The following TBCK variants were observed in gnomAD, a reference collection of about 807,000 sequenced individuals.
TBCK encodes the protein TBC1 domain containing kinase, also known as TBC domain-containing protein kinase-like protein.
Under a neutral mutation model 113.4 loss-of-function variants are expected in TBCK, and 99 were observed. The ratio of observed to expected loss-of-function variants is 0.87; its 90% CI spans 0.74 to 1.03. TBCK has a LOEUF of 1.03. Among genes scored for constraint, TBCK ranks in the 50% least tolerant of loss-of-function variants. The pLI is 0.00. For missense variants in TBCK, 1,045 were observed against 1,061.3 expected (o/e 0.98, Z 0.21); for synonymous variants, 369 against 370.8 (o/e 1.00, Z 0.05).
chr4:106,103,115 A>G (rs752130040), intron 24 of TBCK, among the ~76,000 whole-genome samples: 1 of 152,228 alleles, frequency 6.6e-6, no homozygotes, highest in Non-Finnish European at 1.5e-5. Context: ...GAATGAATTA[A>G]ATATTATAAA....
chr4:106,073,711 G>A (rs1737806948), intron 25 of TBCK, among the ~76,000 whole-genome samples: 1 of 152,202 alleles, frequency 6.6e-6, no homozygotes, highest in South Asian at 2.1e-4. Flanking sequence ...GCTGTGCCCT[G>A]CCCCAGAGCT....
intron 23 of TBCK, among the ~76,000 whole-genome samples, chr4:106,157,603 G>GT (rs1405561837): frequency 1.3e-5 from 2 of 152,092 alleles, no homozygotes; most frequent in African/African-American, 4.8e-5. Flanking sequence ...GTGCAGCCTG[G>GT]TTTTGCATTC....
chr4:106,227,117 G>T (rs1418591047), intron 19 of TBCK, among the ~76,000 whole-genome samples: 5 of 152,006 alleles, frequency 3.3e-5, no homozygotes, highest in Admixed American at 2.6e-4. Context: ...TGTAGAAAAT[G>T]TGCAAAGAAT....
intron 23 of TBCK, among the ~76,000 whole-genome samples, chr4:106,152,877 G>A (rs1032452409): frequency 2.6e-5 from 4 of 151,854 alleles, no homozygotes; most frequent in Non-Finnish European, 4.4e-5. Flanking sequence ...ATAGTTGCTC[G>A]CAGCAGCTGC....
chr4:106,058,406 G>A (rs1266549381), intron 25 of TBCK, among the ~76,000 whole-genome samples: 2 of 151,706 alleles, frequency 1.3e-5, no homozygotes, highest in African/African-American at 4.8e-5. Flanking sequence ...AAATAAAGTT[G>A]CTCTCTATAT....
chr4:106,314,782 G>A (rs3762946), intron 1 of TBCK, among the ~76,000 whole-genome samples: 19,613 of 151,350 alleles, frequency 0.13, 1,604 homozygotes, highest in South Asian at 0.24. Context: ...CCGCCACCAC[G>A]CCCGGCTAAT....
At chr4:106,299,346 T>C (rs372525292) in intron 2 of TBCK, among the ~76,000 whole-genome samples, 3 of 152,214 alleles carry the variant, frequency 2.0e-5, no homozygotes, top group Admixed American at 1.3e-4. Flanking sequence ...CTGACTTTCA[T>C]GTAAAACAAA....
intron 23 of TBCK, among the ~76,000 whole-genome samples, chr4:106,132,525 T>C (rs1310551836): frequency 6.6e-6 from 1 of 152,240 alleles, no homozygotes; most frequent in Non-Finnish European, 1.5e-5. Flanking sequence ...AAAAGTTTGC[T>C]GCTGGGGCAG....
chr4:106,175,289 G>A (rs1751527973), intron 22 of TBCK, among the ~76,000 whole-genome samples: 1 of 150,720 alleles, frequency 6.6e-6, no homozygotes, highest in African/African-American at 2.4e-5. Context: ...TTAATTGGAA[G>A]CTTTCCTCAG....
rs1194817324 is a variant in TBCK, at chr4:106,236,519, G to A, written c.1221C>T (p.Asp407=). 3 of 1,498,116 alleles carry A rather than the reference G, an allele frequency of 2.0e-6. No individual in the cohort carries two copies. The highest frequency in any genetic ancestry group is 2.7e-6 in the Non-Finnish European group (3 of 1,127,736). 92.8% of individuals were successfully genotyped at this position (1,498,116 alleles called of 1,614,324 possible). The change falls in exon 14 of 26, where the codon GAC becomes GAT. Residue 407 remains aspartate (D), a splice_region_variant and synonymous_variant. Coordinates refer to ENST00000394708, the MANE Select transcript of TBCK (RefSeq NM_001163435.3). ...TGTTTGAATGAGGTAAATTAGACTG[G>A]CTGTAAAAGAGAACAAAAGCAATAA... ...GEAFYPLLED[D]QSNLPHSNSN...
intron 25 of TBCK, among the ~76,000 whole-genome samples, chr4:106,067,099 T>C (rs1019202785): frequency 6.6e-6 from 1 of 152,134 alleles, no homozygotes; most frequent in African/African-American, 2.4e-5. Flanking sequence ...AAATATTTTC[T>C]ATAGAAGCTA....
At chr4:106,062,726 T>C (rs1201743754) in intron 25 of TBCK, among the ~76,000 whole-genome samples, 1 of 151,794 alleles carries the variant, frequency 6.6e-6, no homozygotes. Context: ...ATAACACATA[T>C]TGAGACAAGA....
chr4:106,108,507 C>T (rs1742449169), intron 24 of TBCK, among the ~76,000 whole-genome samples: 1 of 152,144 alleles, frequency 6.6e-6, no homozygotes, highest in South Asian at 2.1e-4. Context: ...AAGACAGAAA[C>T]TACATAATTA....
At chr4:106,081,089 AT>A (rs1265731163) in intron 25 of TBCK, among the ~76,000 whole-genome samples, 1 of 152,254 alleles carries the variant, frequency 6.6e-6, no homozygotes, top group East Asian at 1.9e-4. Context: ...TAGTTGAACC[AT>A]TGTGGAACTA....
chr4:106,202,486 T>A (rs563405377), intron 20 of TBCK, among the ~76,000 whole-genome samples: 2 of 152,082 alleles, frequency 1.3e-5, no homozygotes, highest in South Asian at 4.1e-4. Context: ...TCATTATAGA[T>A]TTTTTGTTGT....
Position 106,251,948 on chromosome 4 carries a change from T to C in TBCK, c.515A>G (p.His172Arg). Residue 172 changes from histidine to arginine, a missense_variant, in exon 6 of 26, where the codon CAC becomes CGC. Coordinates refer to ENST00000394708, the MANE Select transcript of TBCK (RefSeq NM_001163435.3). The stretch of plus-strand genomic sequence containing the variant: ...AGGCAATGGTTTTTTACTTGGCATG[T>C]GATCAGTGGTTTTGAAAATTCCCTG... Reference protein sequence around the residue: ...IAQGIFKTTDHMPSKKPLPSG... With the variant: ...IAQGIFKTTDRMPSKKPLPSG... The C allele has an allele frequency of 6.2e-7, 1 of 1,612,078 alleles. No individual in the cohort carries two copies. Among genetic ancestry groups the C allele is most frequent in the Non-Finnish European group, 8.5e-7 (1 of 1,178,644 alleles).
At chr4:106,051,185 A>T (rs1734764143) in intron 25 of TBCK, among the ~76,000 whole-genome samples, 1 of 151,914 alleles carries the variant, frequency 6.6e-6, no homozygotes, top group Admixed American at 6.6e-5. Flanking sequence ...TGTAGAACAG[A>T]ATCATGTCTC....
At chr4:106,204,751 A>ATTTTTTTTT (rs34775295) in intron 20 of TBCK, among the ~76,000 whole-genome samples, 2,112 of 87,232 alleles carry the variant, frequency 0.024, 141 homozygotes, top group Non-Finnish European at 0.035. Context: ...ACAAACAATG[A>ATTTTTTTTT]TTTTTTTTTT....
Position 106,068,473 on chromosome 4 carries a change from T to C in TBCK, c.2572-21793A>G, listed in dbSNP as rs1032277198. The stretch of plus-strand genomic sequence containing the variant: ...TTCATCTATGTCCCTAGAGAAGACA[T>C]GAACTCATCCTTTTTTATGGCTGCA... On this transcript the variant is annotated intron_variant, in intron 25 of 25. Transcript: ENST00000394708. 6.6e-5 allele frequency among the ~76,000 whole-genome samples: 10 copies of C among 152,228 alleles called. No individual in the cohort carries two copies. The East Asian group carries it at 1.7e-3, about 26-fold the overall frequency.
Sources: gnomAD v4.1 joint callset for allele counts (sites outside exome capture counted in the v4.1 genomes callset) on GRCh38, gnomAD v4.1.1 for gene constraint, MANE v1.5 for transcripts, NCBI Gene and HGNC (gene_info 2026-07-23, HGNC 2026-07-21) for gene names.